GBA2: variants seen among roughly 807,000 people sequenced by gnomAD.
GBA2 encodes glucosylceramidase beta 2, also known as non-lysosomal glucosylceramidase.
In GBA2, 79 loss-of-function variants were observed where a neutral mutation model predicts 112.9. The ratio of observed to expected loss-of-function variants is 0.70; its 90% CI spans 0.58 to 0.84. The LOEUF (loss-of-function observed/expected upper bound fraction) is 0.84, where lower values mean the gene tolerates loss of function less well. GBA2 is among the 40% of genes least tolerant of loss of function. The pLI, the probability that GBA2 is intolerant of heterozygous loss-of-function variation, is 0.00. For missense variants in GBA2, 1,043 were observed against 1,190.0 expected (o/e 0.88, Z 1.82); for synonymous variants, 403 against 434.3 (o/e 0.93, Z 0.90).
chr9:35,738,940 G>A, intron 11 of GBA2, 37 bp from the exon 12 acceptor site: 1 of 1,612,346 alleles, frequency 6.2e-7, no homozygotes, highest in Non-Finnish European at 8.5e-7. Flanking sequence ...ACTTGCATTG[G>A]TGGATAGGGT....
At position 35,740,065 on chromosome 9, in the gene GBA2, C is replaced by T. The variant is rs1330085972; in HGVS notation, c.1342G>A (p.Ala448Thr). 2 of 1,613,994 alleles carry T rather than the reference C, an allele frequency of 1.2e-6. No individual in the cohort carries two copies. The highest frequency in any genetic ancestry group is 2.2e-5 in the East Asian group (1 of 44,888). ...TCCCACTCTGCGTATCGGCACAGTG[C>T]ATAGTGGCTGAGGGCAGGTGCTGCA... ...GDAAPALSHYALCRYAEWEER... is the reference protein window; with the variant it reads ...GDAAPALSHYTLCRYAEWEER... Residue 448 changes from alanine (A) to threonine (T), a missense_variant, in exon 8 of 17, where the codon GCA becomes ACA. Physicochemically the swap from Ala to Thr is moderately conservative, Grantham distance 58. Coordinates refer to ENST00000378103, the MANE Select transcript of GBA2 (RefSeq NM_020944.3). The surrounding 1 kb of genome is among the most constrained non-coding windows in gnomAD (Gnocchi z 4.7).
rs528936013 is a variant in GBA2 at position 35,739,509 on chromosome 9, G to T, written c.1583-90C>A. The T allele has an allele frequency of 1.3e-5, 16 of 1,275,508 alleles. No homozygotes were observed. In the African/African-American group the frequency reaches 1.9e-4, roughly 15 times the overall value. The allele number at this position is 1,275,508 out of a possible 1,614,324, so 79.0% of individuals were successfully genotyped here. On this transcript the variant is annotated intron_variant, in intron 9 of 16. Coordinates refer to ENST00000378103, the MANE Select transcript of GBA2 (RefSeq NM_020944.3). ...CTTGTCCTCTAGATTTAGAGGTGGG[G>T]CATTGTTACTAGTCCACACCCAACA...
Position 35,737,042 on chromosome 9 carries a change from G to A in GBA2, c.*127C>T. ...TCAACCCCCATTTACTGGCACAATT[G>A]GGTGGAGAGAAGGGAAGGGGTATGA... On this transcript the variant is annotated 3_prime_UTR_variant, in exon 17 of 17. Coordinates refer to ENST00000378103, the MANE Select transcript of GBA2 (RefSeq NM_020944.3). The surrounding 1 kb of genome is among the most constrained non-coding windows in gnomAD (Gnocchi z 4.1). 4 of 1,422,322 alleles carry A rather than the reference G, an allele frequency of 2.8e-6. No homozygotes were observed. Among genetic ancestry groups the A allele is most frequent in the Non-Finnish European group, 1.9e-6 (2 of 1,065,178 alleles). 88.1% of individuals were successfully genotyped at this position (1,422,322 alleles called of 1,614,324 possible).
Position 35,740,949 on chromosome 9 carries a change from G to A in GBA2, c.902C>T (p.Ala301Val). ...GGGCTCATTCCACAAACCCCCTGGG[G>A]CATCGTCTCCACCACCCAGTCCATT... ...MRNGLGGGDD[A>V]PGGLWNEPFC... The change falls in exon 5 of 17, where the codon GCC (alanine) becomes GTC (valine). Residue 301 changes from alanine (A) to valine (V), a missense_variant. Physicochemically the swap from Ala to Val is moderately conservative, Grantham distance 64 (BLOSUM62 0). Transcript: ENST00000378103. This position sits in a 1 kb window ranked among gnomAD's most constrained non-coding sequence, Gnocchi z 4.7. 6.2e-7 allele frequency: 1 copy of A among 1,614,130 alleles called. No individual in the cohort carries two copies. The highest frequency in any genetic ancestry group is 2.2e-5 in the East Asian group (1 of 44,872).
At position 35,744,374 on chromosome 9, in the gene GBA2, G is replaced by A. The variant is rs867545153; in HGVS notation, c.490C>T (p.Arg164Cys). The A allele has an allele frequency of 6.8e-6, 11 of 1,612,210 alleles. No individual in the cohort carries two copies. The highest frequency in any genetic ancestry group is 4.5e-5 in the East Asian group (2 of 44,900). The change falls in exon 3 of 17, where the codon CGT becomes TGT. Residue 164 changes from arginine (R) to cysteine (C), a missense_variant. Physicochemically the swap from Arg to Cys is radical, Grantham distance 180 (BLOSUM62 -3). Transcript: ENST00000378103. ...CGACAGAACTGGCCTCTCCAGCCAC[G>A]GGTAATAGTGCCTCCCCCGATGCCA... ...LGGIGGGTIT[R>C]GWRGQFCRWQ...
At position 35,745,890 on chromosome 9, in the gene GBA2, T is replaced by C. The variant is rs535722267; in HGVS notation, c.360-1184A>G. 3.8e-4 allele frequency among the ~76,000 whole-genome samples: 58 copies of C among 152,300 alleles called. 1 individual carries two copies. The South Asian group carries it at 0.012, about 32-fold the overall frequency. On this transcript the variant is annotated intron_variant, in intron 1 of 16. Transcript: ENST00000378103. ...CACCACTTCTAACCAAATAATTGGG[T>C]AAGTAACCCCTAAGTCCCAGTTTCC...
Position 35,739,499 on chromosome 9 carries a change from TA to T in GBA2, c.1583-81del, listed in dbSNP as rs1826497093. On this transcript the variant is annotated intron_variant, in intron 9 of 16. Transcript: ENST00000378103. ...CCCTCTGTAGCTTGTCCTCTAGATT[TA>T]GAGGTGGGGCATTGTTACTAGTCCA... 7 of 1,306,988 alleles carry T rather than the reference TA, an allele frequency of 5.4e-6. No individual in the cohort carries two copies. In the East Asian group the frequency reaches 1.6e-4, roughly 30 times the overall value. The allele number at this position is 1,306,988 out of a possible 1,614,324, so 81.0% of individuals were successfully genotyped here.
chr9:35,739,507 G>T, intron 9 of GBA2, 88 bp from the exon 10 acceptor site: 3 of 1,279,162 alleles, frequency 2.3e-6, no homozygotes, highest in East Asian at 2.3e-5. Flanking sequence ...TTTAGAGGTG[G>T]GGCATTGTTA....
In GBA2 at chr9:35,741,675, G is replaced by A. The variant is rs1400185534; in HGVS notation, c.783C>T (p.Tyr261=). ...RQITPILPHD[Y]QDSSLPVGVF... ...GATACAGATGTGGGGGCCTCACCTG[G>A]TAGTCATGGGGCAAGATGGGTGTGA... Residue 261 remains tyrosine, a synonymous_variant, in exon 4 of 17, where the codon TAC becomes TAT. Transcript: ENST00000378103. This position sits in a 1 kb window ranked among gnomAD's most constrained non-coding sequence, Gnocchi z 4.6. The A allele has an allele frequency of 6.3e-7, 1 of 1,590,080 alleles. No individual in the cohort carries two copies. Among genetic ancestry groups the A allele is most frequent in the Non-Finnish European group, 8.6e-7 (1 of 1,158,118 alleles).
At chr9:35,745,510 T>C (rs1377300983) in intron 1 of GBA2, among the ~76,000 whole-genome samples, 1 of 151,778 alleles carries the variant, frequency 6.6e-6, no homozygotes, top group Non-Finnish European at 1.5e-5. Flanking sequence ...AGACAATCAG[T>C]GTTTATATTT....
chr9:35,746,306 C>T lies in GBA2; in HGVS notation c.360-1600G>A, dbSNP rs1486914641. Among the ~76,000 whole-genome samples, 2 of 151,918 alleles carry T rather than the reference C, an allele frequency of 1.3e-5. No homozygotes were observed. The highest frequency in any genetic ancestry group is 2.1e-4 in the South Asian group (1 of 4,814). On this transcript the variant is annotated intron_variant, in intron 1 of 16. Transcript: ENST00000378103. This position sits in a 1 kb window ranked among gnomAD's most constrained non-coding sequence, Gnocchi z 5.2. Reference sequence around the variant, plus strand: ...AAATGTGATTAATGAATAGGGACAGCGGCCAGGCACGGTGGCTCACACCTG... The same window carrying T: ...AAATGTGATTAATGAATAGGGACAGTGGCCAGGCACGGTGGCTCACACCTG...
chr9:35,748,337 T>C lies in GBA2; in HGVS notation c.359+9A>G. 10 of 1,530,170 alleles carry C rather than the reference T, an allele frequency of 6.5e-6. No homozygotes were observed. Among genetic ancestry groups the C allele is most frequent in the Non-Finnish European group, 9.0e-6 (10 of 1,111,202 alleles). The allele number at this position is 1,530,170 out of a possible 1,614,324, so 94.8% of individuals were successfully genotyped here. On this transcript the variant is annotated intron_variant, in intron 1 of 16. Coordinates refer to ENST00000378103, the MANE Select transcript of GBA2 (RefSeq NM_020944.3). The stretch of plus-strand genomic sequence containing the variant: ...GCCAAAGGCATTCTAGGCAATGGGG[T>C]CTACTCACCTCAAGCCCATGCCTAT...
In GBA2 at chr9:35,741,227, G is replaced by A. The variant is rs1826655194; in HGVS notation, c.787-163C>T. The A allele has an allele frequency of 1.3e-6, 1 of 746,392 alleles. No individual in the cohort carries two copies. Among genetic ancestry groups the A allele is most frequent in the Non-Finnish European group, 2.1e-6 (1 of 467,124 alleles). The allele number at this position is 746,392 out of a possible 1,614,324, so 46.2% of individuals were successfully genotyped here. On this transcript the variant is annotated intron_variant, in intron 4 of 16. Coordinates refer to ENST00000378103, the MANE Select transcript of GBA2 (RefSeq NM_020944.3). The surrounding 1 kb of genome is among the most constrained non-coding windows in gnomAD (Gnocchi z 4.6). ...CCCATATTCCCAGGCAAGCTGCCTA[G>A]CAGGGAATATAGAAGACCAGAACCA... is the stretch of plus-strand genomic sequence containing the variant.
intron 9 of GBA2, 21 bp from the exon 10 acceptor site, chr9:35,739,440 C>T (rs374434259): frequency 2.0e-6 from 3 of 1,531,890 alleles, no homozygotes; most frequent in South Asian, 1.1e-5. Context: ...GAATGAGACA[C>T]ACTGTTGCCA....
Position 35,737,823 on chromosome 9 carries a change from A to G in GBA2, c.2430T>C (p.Pro810=), listed in dbSNP as rs1247248892. The stretch of plus-strand genomic sequence containing the variant: ...CATCAGACTGCACACTGGATTTATC[A>G]GGGACACCATGGGGCTGCATCCCAT... ...AVNGMQPHGV[P]DKSSVQSDEV... The change falls in exon 16 of 17, where the codon CCT becomes CCC. Residue 810 remains proline (P), a synonymous_variant. Coordinates refer to ENST00000378103, the MANE Select transcript of GBA2 (RefSeq NM_020944.3). This position sits in a 1 kb window ranked among gnomAD's most constrained non-coding sequence, Gnocchi z 4.1. 1 of 1,613,982 alleles carries G rather than the reference A, an allele frequency of 6.2e-7. No homozygotes were observed. The highest frequency in any genetic ancestry group is 2.2e-5 in the East Asian group (1 of 44,874).
In GBA2 at chr9:35,748,380, T is replaced by C. The variant is rs781234931; in HGVS notation, c.325A>G (p.Ser109Gly). The C allele has an allele frequency of 1.2e-6, 2 of 1,613,568 alleles. No individual in the cohort carries two copies. The highest frequency in any genetic ancestry group is 1.1e-5 in the South Asian group (1 of 91,064). The part of the protein sequence containing the change: ...KPFQANNVSL[S>G]NMIKHIGMGL... ...ATGCCTATATGCTTTATCATGTTGCTTAGGGAGACGTTGTTAGCTTGAAAG... is the reference window on the plus strand; with the variant it reads ...ATGCCTATATGCTTTATCATGTTGCCTAGGGAGACGTTGTTAGCTTGAAAG... Residue 109 changes from serine (S) to glycine (G), a missense_variant, in exon 1 of 17, where the codon AGC becomes GGC. Ser to Gly is a moderately conservative substitution (Grantham distance 56). Coordinates refer to ENST00000378103, the MANE Select transcript of GBA2 (RefSeq NM_020944.3).
At chr9:35,739,889 A>T in intron 8 of GBA2, 89 bp from the exon 9 acceptor site, 1 of 1,537,736 alleles carries the variant, frequency 6.5e-7, no homozygotes, top group Non-Finnish European at 9.0e-7. Flanking sequence ...GGGATCATCA[A>T]ATGAATCCCA....
In GBA2 at chr9:35,739,836, A is replaced by G. The variant is rs776121321; in HGVS notation, c.1410-36T>C. 5 of 1,598,932 alleles carry G rather than the reference A, an allele frequency of 3.1e-6. No individual in the cohort carries two copies. In the South Asian group the frequency reaches 4.4e-5, roughly 14 times the overall value. On this transcript the variant is annotated intron_variant, in intron 8 of 16. Coordinates refer to ENST00000378103, the MANE Select transcript of GBA2 (RefSeq NM_020944.3). ...AGGAGGAGGAAATGGTTTAAGGAAC[A>G]TGTACCTCCCAAGATGGAAAGGATT...
In GBA2 at chr9:35,744,406, G is replaced by C; in HGVS notation, c.458C>G (p.Pro153Arg). The C allele has an allele frequency of 6.3e-7, 1 of 1,586,912 alleles. No individual in the cohort carries two copies. Among genetic ancestry groups the C allele is most frequent in the Non-Finnish European group, 8.7e-7 (1 of 1,155,274 alleles). The change falls in exon 3 of 17, where the codon CCC becomes CGC. Residue 153 changes from proline (P) to arginine (R), a missense_variant. Pro to Arg is a moderately radical substitution (Grantham distance 103). Transcript: ENST00000378103. ...SVPLRQIYGC[P>R]LGGIGGGTIT... ...AGTGCCTCCCCCGATGCCACCCAAG[G>C]GACAACCTAGAGAAATCAGGGTGGT...
Sources: gnomAD v4.1 joint callset for allele counts (sites outside exome capture counted in the v4.1 genomes callset) on GRCh38, gnomAD v4.1.1 for gene constraint, Gnocchi (gnomAD v3.1) non-coding constraint, MANE v1.5 for transcripts, NCBI Gene and HGNC (gene_info 2026-07-23, HGNC 2026-07-21) for gene names.